Variants in TET3 observed in about 807,000 individuals in gnomAD.
TET3 encodes the protein tet methylcytosine dioxygenase 3.
A neutral mutation model predicts 141.4 loss-of-function variants in TET3; 19 were observed. The observed-to-expected ratio is 0.13, with a 90% CI of 0.09 to 0.20. The LOEUF is 0.20. Among genes scored for constraint, TET3 ranks in the 10% least tolerant of loss-of-function variants. The pLI is 1.00. For synonymous variants in TET3, 1,043 were observed against 980.9 expected, an observed-to-expected ratio of 1.06 and a Z score of -1.18; for missense variants, 1,874 against 2,356.9, an observed-to-expected ratio of 0.80 and a Z score of 4.24.
At chr2:74,060,194 A>G (rs1410702959) in intron 4 of TET3, among the ~76,000 whole-genome samples, 2 of 152,190 alleles carry the variant, frequency 1.3e-5, no homozygotes, top group Non-Finnish European at 2.9e-5. Context: ...TAGATGTATA[A>G]TAGTATCTCA....
chr2:74,032,954 T>C (rs1410555151), intron 3 of TET3, among the ~76,000 whole-genome samples: 1 of 152,234 alleles, frequency 6.6e-6, no homozygotes, highest in South Asian at 2.1e-4. Context: ...ACTAGGCTTA[T>C]CTTCACCTTC....
intron 4 of TET3, among the ~76,000 whole-genome samples, chr2:74,050,574 G>A (rs970117321): frequency 6.6e-6 from 1 of 152,110 alleles, no homozygotes; most frequent in African/African-American, 2.4e-5. Context: ...TTTTTAGGCA[G>A]GGTCTCACTC....
intron 3 of TET3, among the ~76,000 whole-genome samples, chr2:74,013,373 T>G (rs1558711447): frequency 6.6e-6 from 1 of 152,222 alleles, no homozygotes. Context: ...TGAATCAGAT[T>G]GACCTATAAT....
chr2:74,065,116 T>C (rs1028517010), intron 4 of TET3, among the ~76,000 whole-genome samples: 2 of 152,170 alleles, frequency 1.3e-5, no homozygotes, highest in Non-Finnish European at 2.9e-5. Context: ...GAATATGAGA[T>C]AAAAAGTGAA....
chr2:74,105,294 A>C lies in TET3; in HGVS notation c.*3118A>C. ...CACGGACACCATCCACGTGCAGTGCAAACATTTGGTTCCTTTTCTGCTCTG... is the reference window on the plus strand; with the variant it reads ...CACGGACACCATCCACGTGCAGTGCCAACATTTGGTTCCTTTTCTGCTCTG... On this transcript the variant is annotated 3_prime_UTR_variant, in exon 12 of 12. Coordinates refer to ENST00000409262, the MANE Select transcript of TET3 (RefSeq NM_001287491.2). The C allele has an allele frequency of 2.5e-6, 1 of 398,636 alleles. No homozygotes were observed. The highest frequency in any genetic ancestry group is 3.6e-5 in the East Asian group (1 of 28,084). The allele number at this position is 398,636 out of a possible 1,614,324, so 24.7% of individuals were successfully genotyped here.
intron 6 of TET3, among the ~76,000 whole-genome samples, chr2:74,085,087 T>C (rs916928175): frequency 1.3e-5 from 2 of 151,870 alleles, no homozygotes; most frequent in East Asian, 3.9e-4. Flanking sequence ...ACATACCTAA[T>C]GCCACTAAAC....
At chr2:74,128,944 A>T in the TET3 span, among the ~76,000 whole-genome samples, 1 of 143,614 alleles carries the variant, frequency 7.0e-6, no homozygotes, top group Non-Finnish European at 1.5e-5. Context: ...GTGAGTTGTG[A>T]ATGCACAACT....
chr2:74,073,682 T>G (rs1356639504), intron 5 of TET3, 43 bp downstream of exon 5: 1 of 1,492,464 alleles, frequency 6.7e-7, no homozygotes. Context: ...GATGTGCTGT[T>G]AATGGAATAC....
At position 74,047,560 on chromosome 2, in the gene TET3, TC is replaced by T. The variant is rs1687704920; in HGVS notation, c.1646del (p.Pro549LeufsTer135). 6.2e-7 allele frequency: 1 copy of T among 1,613,714 alleles called. No individual in the cohort carries two copies. The highest frequency in any genetic ancestry group is 8.5e-7 in the Non-Finnish European group (1 of 1,179,872). On this transcript the variant is annotated frameshift_variant, in exon 4 of 12. Coordinates refer to ENST00000409262, the MANE Select transcript of TET3 (RefSeq NM_001287491.2). LOFTEE classifies it high-confidence loss of function. ...CTAGAACAGGTGCACGACACCTCCT[TC>T]CCTGCTCCTTCAGAGCCTTCTGCTC... ...LFLEQVHDTS[F>X]PAPSEPSAPG... is the part of the protein sequence containing the mutation.
At chr2:74,038,883 C>T (rs1292167316) in intron 3 of TET3, among the ~76,000 whole-genome samples, 25 of 152,208 alleles carry the variant, frequency 1.6e-4, no homozygotes. Flanking sequence ...AAGGACTGGT[C>T]AAGGAGGACT....
chr2:74,031,006 G>A (rs1327587003), intron 3 of TET3, among the ~76,000 whole-genome samples: 6 of 152,134 alleles, frequency 3.9e-5, no homozygotes, highest in Non-Finnish European at 8.8e-5. Context: ...CTGAGGAAAA[G>A]GATGCAGGCG....
Position 74,101,494 on chromosome 2 carries a change from C to A in TET3, c.4706C>A (p.Ala1569Asp), listed in dbSNP as rs1416407080. The change falls in exon 12 of 12, where the codon GCC becomes GAC. Residue 1569 changes from alanine (A) to aspartate (D), a missense_variant. By Grantham distance (126) the Ala-to-Asp change is moderately radical. Coordinates refer to ENST00000409262, the MANE Select transcript of TET3 (RefSeq NM_001287491.2). This position sits in a 1 kb window ranked among gnomAD's most constrained non-coding sequence, Gnocchi z 8.5. The stretch of plus-strand genomic sequence containing the variant: ...AAAGGAGAGGAGGGCAGGATTCCAG[C>A]CGCAGGGGCCAGCCAGCTGGACAGG... ...PMKGEEGRIP[A>D]AGASQLDRAW... is the part of the protein sequence containing the mutation. 6.2e-7 allele frequency: 1 copy of A among 1,613,128 alleles called. No individual in the cohort carries two copies. The highest frequency in any genetic ancestry group is 1.1e-5 in the South Asian group (1 of 90,978).
chr2:74,046,385 C>A lies in TET3; in HGVS notation c.468C>A (p.Val156=). The change falls in exon 4 of 12, where the codon GTC becomes GTA. Residue 156 remains valine, a synonymous_variant. Transcript: ENST00000409262. The surrounding 1 kb of genome is among the most constrained non-coding windows in gnomAD (Gnocchi z 4.3). ...AGCTAAGCGCCTCAGGGGTGCCGGT[C>A]AATGGTGCTAGAGAGCCCGCTGGAC... ...SRQLSASGVP[V]NGAREPAGPS... is the part of the protein sequence containing the mutation. 6.5e-7 allele frequency: 1 copy of A among 1,545,128 alleles called. No individual in the cohort carries two copies. The highest frequency in any genetic ancestry group is 1.3e-5 in the South Asian group (1 of 78,370).
In TET3 at chr2:74,102,008, C is replaced by T. The variant is rs372765855; in HGVS notation, c.5220C>T (p.Tyr1740=). ...LGLGQQEAKL[Y]GKKRKWGGTV... ...TGGGCCAGCAGGAGGCCAAGCTCTA[C>T]GGGAAGAAGCGCAAGTGGGGGGGCA... The change falls in exon 12 of 12, where the codon TAC becomes TAT. Residue 1740 remains tyrosine, a synonymous_variant. Coordinates refer to ENST00000409262, the MANE Select transcript of TET3 (RefSeq NM_001287491.2). 109 of 1,586,416 alleles carry T rather than the reference C, an allele frequency of 6.9e-5. No individual in the cohort carries two copies. Among genetic ancestry groups the T allele is most frequent in the Non-Finnish European group, 8.4e-5 (98 of 1,164,302 alleles).
chr2:74,131,076 TCTCGGTGC>T, the TET3 span, among the ~76,000 whole-genome samples: 1 of 152,160 alleles, frequency 6.6e-6, no homozygotes, highest in Admixed American at 6.5e-5. Context: ...ACTTACCTGG[TCTCGGTGC>T]CTCCGCTCTC....
At chr2:73,987,327 A>T (rs1377845929) in intron 2 of TET3, among the ~76,000 whole-genome samples, 1 of 152,136 alleles carries the variant, frequency 6.6e-6, no homozygotes, top group Admixed American at 6.5e-5. Context: ...CTCAGATACT[A>T]ATTGCATGAA....
chr2:74,122,677 CTTTTTTTTT>C, the TET3 span, among the ~76,000 whole-genome samples: 3 of 42,388 alleles, frequency 7.1e-5, no homozygotes, highest in African/African-American at 3.9e-4. Context: ...CTACACCTAG[CTTTTTTTTT>C]TTTTTTTTTT....
At position 74,105,345 on chromosome 2, in the gene TET3, C is replaced by CT; in HGVS notation, c.*3169_*3170insT. 1 of 398,558 alleles carries CT rather than the reference C, an allele frequency of 2.5e-6. No individual in the cohort carries two copies. The highest frequency in any genetic ancestry group is 4.4e-6 in the Non-Finnish European group (1 of 226,062). 24.7% of individuals were successfully genotyped at this position (398,558 alleles called of 1,614,324 possible). ...TTTTGTTTTCCCTGCCTGTTGCGTG[C>CT]AAGGGAAGTGCTTGTAAAGTTCTGT... On this transcript the variant is annotated 3_prime_UTR_variant, in exon 12 of 12. Coordinates refer to ENST00000409262, the MANE Select transcript of TET3 (RefSeq NM_001287491.2).
At chr2:74,077,672 C>T (rs1558773094) in intron 5 of TET3, among the ~76,000 whole-genome samples, 1 of 152,092 alleles carries the variant, frequency 6.6e-6, no homozygotes, top group Non-Finnish European at 1.5e-5. Context: ...AGTGCTTGGC[C>T]CTTTTATTTG....
Sources: allele counts gnomAD v4.1 joint callset (sites outside exome capture counted in the v4.1 genomes callset), GRCh38; gene constraint gnomAD v4.1.1; non-coding constraint Gnocchi (gnomAD v3.1); transcripts MANE v1.5; gene names NCBI Gene and HGNC (gene_info 2026-07-23, HGNC 2026-07-21).